LMNB2: variants seen among roughly 807,000 people sequenced by gnomAD.
LMNB2 encodes lamin-B2.
In LMNB2, 17 loss-of-function variants were observed where a neutral mutation model predicts 69.3. The observed-to-expected ratio is 0.25, with a 90% CI of 0.17 to 0.37. The LOEUF (loss-of-function observed/expected upper bound fraction) is 0.37, where lower values mean the gene tolerates loss of function less well. Among genes scored for constraint, LMNB2 ranks in the 10% least tolerant of loss-of-function variants. The pLI is 1.00. For missense variants in LMNB2, 789 were observed against 883.6 expected (o/e 0.89, Z 1.36); for synonymous variants, 397 against 389.3 (o/e 1.02, Z -0.23).
chr19:2,449,569 C>T (rs1971996587), intron 1 of LMNB2, among the ~76,000 whole-genome samples: 1 of 152,068 alleles, frequency 6.6e-6, no homozygotes, highest in Non-Finnish European at 1.5e-5. Flanking sequence ...TACTTGAGGT[C>T]AGCAGTTCGA....
In LMNB2 at chr19:2,443,333, A is replaced by G. The variant is rs568399912; in HGVS notation, c.401+1071T>C. On this transcript the variant is annotated intron_variant, in intron 2 of 11. Transcript: ENST00000325327. The surrounding 1 kb of genome is among the most constrained non-coding windows in gnomAD (Gnocchi z 6.2). ...CCACGGGAGCAGCGCCAGCCCAGGAAGGAGGAGGGCGTCGGATGGAGAGGT... is the reference window on the plus strand; with the variant it reads ...CCACGGGAGCAGCGCCAGCCCAGGAGGGAGGAGGGCGTCGGATGGAGAGGT... Among the ~76,000 whole-genome samples, 7 of 152,302 alleles carry G rather than the reference A, an allele frequency of 4.6e-5. No individual in the cohort carries two copies. The highest frequency in any genetic ancestry group is 1.7e-4 in the African/African-American group (7 of 41,556).
chr19:2,445,088 C>G (rs1329241543), intron 1 of LMNB2, among the ~76,000 whole-genome samples: 1 of 152,152 alleles, frequency 6.6e-6, no homozygotes, highest in Non-Finnish European at 1.5e-5. Flanking sequence ...ACCATGGACA[C>G]TGGGCTGATC....
Position 2,434,513 on chromosome 19 carries a change from G to A in LMNB2, c.984C>T (p.Ala328=), listed in dbSNP as rs762273789. The A allele has an allele frequency of 1.2e-6, 2 of 1,611,962 alleles. No homozygotes were observed. The highest frequency in any genetic ancestry group is 2.2e-5 in the South Asian group (2 of 91,080). The change falls in exon 7 of 12, where the codon GCC becomes GCT. Residue 328 remains alanine, a splice_region_variant and synonymous_variant. Transcript: ENST00000325327. Reference sequence around the variant, plus strand: ...CCCGAATGCGATCTTCAGCGGCACTGGCCTGCGGAGGGGGCGGGTGGCGAA... The same window carrying A: ...CCCGAATGCGATCTTCAGCGGCACTAGCCTGCGGAGGGGGCGGGTGGCGAA... The part of the protein sequence containing the change: ...SYQLSGLQKQ[A]SAAEDRIREL...
intron 1 of LMNB2, among the ~76,000 whole-genome samples, chr19:2,446,364 C>T (rs1243445263): frequency 6.6e-6 from 1 of 151,936 alleles, no homozygotes; most frequent in Non-Finnish European, 1.5e-5. Context: ...CCCTAAGCCC[C>T]GCGCAAAGCC....
rs764786678 is a variant in LMNB2, at chr19:2,433,820, G to C, written c.1482+6C>G. 1.2e-6 allele frequency: 2 copies of C among 1,612,966 alleles called. No homozygotes were observed. Among genetic ancestry groups the C allele is most frequent in the African/African-American group, 1.3e-5 (1 of 74,818 alleles). The stretch of plus-strand genomic sequence containing the variant: ...GTTACCCCCATGCCCCGGTCTTTCC[G>C]GTCACCTTGTCCGAGTTGTTCTTGA... On this transcript the variant is annotated splice_donor_region_variant and intron_variant, in intron 8 of 11. Coordinates refer to ENST00000325327, the MANE Select transcript of LMNB2 (RefSeq NM_032737.4).
chr19:2,455,648 G>A (rs1014355887), intron 1 of LMNB2, among the ~76,000 whole-genome samples: 2 of 152,046 alleles, frequency 1.3e-5, no homozygotes, highest in Admixed American at 6.5e-5. Flanking sequence ...CCCTCCATAG[G>A]TGGGGCATTC....
intron 11 of LMNB2, among the ~76,000 whole-genome samples, chr19:2,431,164 C>A (rs1390435976): frequency 6.6e-6 from 1 of 152,220 alleles, no homozygotes; most frequent in African/African-American, 2.4e-5. Flanking sequence ...CAGGAACTTG[C>A]GACGCACGCG....
intron 1 of LMNB2, among the ~76,000 whole-genome samples, chr19:2,451,544 G>C (rs1972021484): frequency 6.6e-6 from 1 of 152,230 alleles, no homozygotes; most frequent in Admixed American, 6.5e-5. Flanking sequence ...CTGCGGAACG[G>C]GTGTGCCGGG....
rs1389538478 is a variant in LMNB2, at chr19:2,434,112, G to C, written c.1203-7C>G. 7.0e-6 allele frequency: 11 copies of C among 1,577,554 alleles called. No individual in the cohort carries two copies. Among genetic ancestry groups the C allele is most frequent in the Non-Finnish European group, 9.4e-6 (11 of 1,164,514 alleles). On this transcript the variant is annotated splice_polypyrimidine_tract_variant and splice_region_variant and intron_variant, in intron 7 of 11. Coordinates refer to ENST00000325327, the MANE Select transcript of LMNB2 (RefSeq NM_032737.4). Reference sequence around the variant, plus strand: ...GCTGGGGGACAGCTTCAGCCTGTGGGGAAGGCAAGGAAGGTGGGACTGGTA... The same window carrying C: ...GCTGGGGGACAGCTTCAGCCTGTGGCGAAGGCAAGGAAGGTGGGACTGGTA...
chr19:2,434,191 CACCT>C, intron 7 of LMNB2, 86 bp from the exon 8 acceptor site: 1 of 1,541,062 alleles, frequency 6.5e-7, no homozygotes. Flanking sequence ...GGCCCGGCCC[CACCT>C]CCACCCCTGC....
intron 4 of LMNB2, 112 bp downstream of exon 4, chr19:2,438,051 C>G (rs533039536): frequency 6.6e-7 from 1 of 1,507,898 alleles, no homozygotes; most frequent in African/African-American, 1.4e-5. Context: ...CTCCCTAGAG[C>G]CGTGGGAGGG....
rs554367811 is a variant in LMNB2 at position 2,451,270 on chromosome 19, G to T, written c.264+5400C>A. ...AACAAAAACGATAAAGGCCAGGGGGGAAGATGAAGAGACTTTGTGACACAG... is the reference window on the plus strand; with the variant it reads ...AACAAAAACGATAAAGGCCAGGGGGTAAGATGAAGAGACTTTGTGACACAG... On this transcript the variant is annotated intron_variant, in intron 1 of 11. Transcript: ENST00000325327. 1.1e-4 allele frequency among the ~76,000 whole-genome samples: 17 copies of T among 152,284 alleles called. No individual in the cohort carries two copies. In the South Asian group the frequency reaches 3.5e-3, roughly 32 times the overall value.
chr19:2,447,144 AAAAT>A lies in LMNB2; in HGVS notation c.265-2608_265-2605del, dbSNP rs1027086868. 6.6e-6 allele frequency among the ~76,000 whole-genome samples: 1 copy of A among 151,950 alleles called. No homozygotes were observed. The highest frequency in any genetic ancestry group is 1.9e-4 in the East Asian group (1 of 5,204). On this transcript the variant is annotated intron_variant, in intron 1 of 11. Transcript: ENST00000325327. The surrounding 1 kb of genome is among the most constrained non-coding windows in gnomAD (Gnocchi z 4.4). ...GGGAGACAGAGCGAGACTCAGTTTC[AAAAT>A]AAATAAATAAATAAATAAAATGAAA...
chr19:2,438,509 G>A lies in LMNB2; in HGVS notation c.424C>T (p.Leu142Phe). 1.2e-6 allele frequency: 2 copies of A among 1,609,712 alleles called. No homozygotes were observed. The highest frequency in any genetic ancestry group is 1.7e-6 in the Non-Finnish European group (2 of 1,178,382). The change falls in exon 3 of 12, where the codon CTT becomes TTT. Residue 142 changes from leucine (L) to phenylalanine (F), a missense_variant. By Grantham distance (22) the Leu-to-Phe change is conservative. Coordinates refer to ENST00000325327, the MANE Select transcript of LMNB2 (RefSeq NM_032737.4). ...NKSAKKREGELTVAQGRVKDL... is the reference protein window; with the variant it reads ...NKSAKKREGEFTVAQGRVKDL... ...TTCACACGGCCCTGGGCCACCGTAA[G>A]CTCGCCCTCCCTCTTCTTGGCGCTG... is the stretch of plus-strand genomic sequence containing the variant.
chr19:2,432,777 T>C (rs1179755816), intron 8 of LMNB2, among the ~76,000 whole-genome samples: 200 of 101,246 alleles, frequency 2.0e-3, no homozygotes, highest in Middle Eastern at 0.014. Context: ...TTTCCAGTCA[T>C]CTTGTCCCCT....
chr19:2,448,458 C>T (rs1464188586), intron 1 of LMNB2, among the ~76,000 whole-genome samples: 1 of 152,166 alleles, frequency 6.6e-6, no homozygotes, highest in East Asian at 1.9e-4. Flanking sequence ...CACAGGAGCC[C>T]GTTCAAGGTG....
At chr19:2,434,741 A>C (rs760456354) in intron 6 of LMNB2, 47 bp downstream of exon 6, 8 of 1,575,068 alleles carry the variant, frequency 5.1e-6, no homozygotes, top group Admixed American at 1.8e-5. Context: ...GGCAGGGCCC[A>C]GAAGTTGGGC....
intron 1 of LMNB2, among the ~76,000 whole-genome samples, chr19:2,449,808 G>A (rs1184556053): frequency 6.6e-6 from 1 of 151,844 alleles, no homozygotes; most frequent in Non-Finnish European, 1.5e-5. Context: ...GGGCGCCGTG[G>A]CTCACGCCTG....
In LMNB2 at chr19:2,443,638, G is replaced by A. The variant is rs751177294; in HGVS notation, c.401+766C>T. 1.1e-4 allele frequency among the ~76,000 whole-genome samples: 16 copies of A among 152,158 alleles called. No homozygotes were observed. The highest frequency in any genetic ancestry group is 1.8e-4 in the Non-Finnish European group (12 of 68,028). On this transcript the variant is annotated intron_variant, in intron 2 of 11. Transcript: ENST00000325327. This position sits in a 1 kb window ranked among gnomAD's most constrained non-coding sequence, Gnocchi z 6.2. ...TGCAGGTGCCTGAATGCCGGTGGCCGGAGACCACGGAAGACAGTGTCCACA... is the reference window on the plus strand; with the variant it reads ...TGCAGGTGCCTGAATGCCGGTGGCCAGAGACCACGGAAGACAGTGTCCACA...
Sources: allele counts gnomAD v4.1 joint callset (sites outside exome capture counted in the v4.1 genomes callset), GRCh38; gene constraint gnomAD v4.1.1; non-coding constraint Gnocchi (gnomAD v3.1); transcripts MANE v1.5; gene names NCBI Gene and HGNC (gene_info 2026-07-23, HGNC 2026-07-21).